SMYD3: variants seen among roughly 807,000 people sequenced by gnomAD.
SMYD3 encodes SET and MYND domain containing 3.
SMYD3 carries 36 observed loss-of-function variants against 57.7 expected under a neutral mutation model. That is an observed-to-expected ratio of 0.62 (90% CI 0.48 to 0.82). SMYD3 has a LOEUF of 0.82. Ranked by LOEUF, SMYD3 falls within the 40% of genes least tolerant of loss-of-function variation. The pLI, the probability that SMYD3 is intolerant of heterozygous loss-of-function variation, is 0.00. For synonymous variants in SMYD3, 211 were observed against 195.0 expected, an observed-to-expected ratio of 1.08 and a Z score of -0.68; for missense variants, 515 against 538.8, an observed-to-expected ratio of 0.96 and a Z score of 0.44.
intron 2 of SMYD3, among the ~76,000 whole-genome samples, chr1:246,354,370 CTT>C (rs904336100): frequency 6.6e-6 from 1 of 152,182 alleles, no homozygotes; most frequent in Non-Finnish European, 1.5e-5. Flanking sequence ...TTGGCATTAT[CTT>C]TAAAAATTCA....
chr1:246,254,018 T>G (rs563390381), intron 5 of SMYD3, among the ~76,000 whole-genome samples: 1 of 152,230 alleles, frequency 6.6e-6, no homozygotes, highest in South Asian at 2.1e-4. Context: ...AAATCTGTTG[T>G]TTTTTACTTC....
At chr1:245,911,123 A>G (rs1953752) in intron 8 of SMYD3, among the ~76,000 whole-genome samples, 132,190 of 152,156 alleles carry the variant, frequency 0.87, 60,314 homozygotes, top group South Asian at 1. Context: ...AAAATGTTCA[A>G]TAACATTAAT....
chr1:246,326,654 C>T (rs1214137768), intron 5 of SMYD3: 3 of 346,530 alleles, frequency 8.7e-6, no homozygotes, highest in Non-Finnish European at 1.0e-5. Context: ...ATCCCAGCTA[C>T]TCAGAATGCT....
intron 5 of SMYD3, among the ~76,000 whole-genome samples, chr1:246,220,271 C>T (rs1186578456): frequency 6.6e-6 from 1 of 151,874 alleles, no homozygotes; most frequent in African/African-American, 2.4e-5. Context: ...AATGGCCGGG[C>T]CTGCACACTC....
chr1:246,188,626 G>A (rs961430221), intron 5 of SMYD3, among the ~76,000 whole-genome samples: 2 of 151,364 alleles, frequency 1.3e-5, no homozygotes, highest in African/African-American at 4.9e-5. Context: ...TAATATCTAT[G>A]TTAAGAACTC....
At position 246,074,361 on chromosome 1, in the gene SMYD3, A is replaced by C. The variant is rs141561681; in HGVS notation, c.532-144424T>G. Among the ~76,000 whole-genome samples, 171 of 146,474 alleles carry C rather than the reference A, an allele frequency of 1.2e-3. 2 individuals are homozygous for C. The highest frequency in any genetic ancestry group is 4.6e-3 in the African/African-American group (167 of 36,562). On this transcript the variant is annotated intron_variant, in intron 5 of 11. Coordinates refer to ENST00000490107, the MANE Select transcript of SMYD3 (RefSeq NM_001167740.2). ...TCCTTTTTTATTGGTTTGCCAAAAAAAATTAAAAAAAAAAAACAAACTGTG... is the reference window on the plus strand; with the variant it reads ...TCCTTTTTTATTGGTTTGCCAAAAACAATTAAAAAAAAAAAACAAACTGTG...
At chr1:245,816,996 G>C (rs554010855) in intron 10 of SMYD3, among the ~76,000 whole-genome samples, 1 of 151,614 alleles carries the variant, frequency 6.6e-6, no homozygotes, top group Non-Finnish European at 1.5e-5. Flanking sequence ...GCCCAGGCTT[G>C]CTTAGGTAAA....
At chr1:246,282,082 A>G (rs1022662841) in intron 5 of SMYD3, among the ~76,000 whole-genome samples, 1 of 152,164 alleles carries the variant, frequency 6.6e-6, no homozygotes, top group Non-Finnish European at 1.5e-5. Flanking sequence ...ATCCAGTTTT[A>G]AAGGTCCAAA....
intron 5 of SMYD3, among the ~76,000 whole-genome samples, chr1:246,210,986 C>T (rs911021260): frequency 6.6e-6 from 1 of 152,156 alleles, no homozygotes; most frequent in East Asian, 1.9e-4. Context: ...AAAGCCGTTG[C>T]TTAGCAACAG....
intron 10 of SMYD3, among the ~76,000 whole-genome samples, chr1:245,795,881 C>T (rs1229567542): frequency 1.3e-5 from 2 of 152,160 alleles, no homozygotes; most frequent in African/African-American, 2.4e-5. Context: ...TATTCTCAGC[C>T]TTTTAATTTC....
intron 5 of SMYD3, among the ~76,000 whole-genome samples, chr1:246,000,800 T>C (rs2059025741): frequency 1.3e-5 from 2 of 152,214 alleles, no homozygotes; most frequent in African/African-American, 4.8e-5. Flanking sequence ...TGTAAGATGC[T>C]GGAAGACAGA....
chr1:246,064,214 C>T (rs1418714284), intron 5 of SMYD3, among the ~76,000 whole-genome samples: 1 of 152,170 alleles, frequency 6.6e-6, no homozygotes, highest in Non-Finnish European at 1.5e-5. Flanking sequence ...TCCATCCATT[C>T]TCCACAGGCT....
chr1:246,350,825 A>G (rs887145567), intron 2 of SMYD3, among the ~76,000 whole-genome samples: 1 of 152,144 alleles, frequency 6.6e-6, no homozygotes, highest in Non-Finnish European at 1.5e-5. Flanking sequence ...GAAAAGAAAA[A>G]CTTCCGGCTC....
chr1:245,936,505 G>T (rs183775156), intron 5 of SMYD3, among the ~76,000 whole-genome samples: 42 of 152,240 alleles, frequency 2.8e-4, no homozygotes, highest in African/African-American at 8.2e-4. Context: ...AATCCAGCTG[G>T]TTTCTTAAAG....
intron 8 of SMYD3, among the ~76,000 whole-genome samples, chr1:245,900,687 T>A (rs185202611): frequency 6.6e-6 from 1 of 152,316 alleles, no homozygotes; most frequent in Admixed American, 6.5e-5. Context: ...AGCCCAGATG[T>A]CACCTGTTAC....
At chr1:246,023,000 G>C (rs2059499864) in intron 5 of SMYD3, among the ~76,000 whole-genome samples, 1 of 152,176 alleles carries the variant, frequency 6.6e-6, no homozygotes, top group Admixed American at 6.6e-5. Flanking sequence ...TTGTTAGACT[G>C]TACGATTTTT....
chr1:246,078,460 C>A (rs1389121055), intron 5 of SMYD3, among the ~76,000 whole-genome samples: 1 of 152,202 alleles, frequency 6.6e-6, no homozygotes, highest in Non-Finnish European at 1.5e-5. Context: ...AAATGACCGG[C>A]CTTCTTGTTC....
intron 8 of SMYD3, among the ~76,000 whole-genome samples, chr1:245,865,853 C>T (rs2051804351): frequency 6.6e-6 from 1 of 152,218 alleles, no homozygotes; most frequent in African/African-American, 2.4e-5. Context: ...GACAGTGCTG[C>T]TTTCAGGTGG....
intron 5 of SMYD3, among the ~76,000 whole-genome samples, chr1:246,183,580 C>A (rs2062587572): frequency 6.6e-6 from 1 of 151,692 alleles, no homozygotes; most frequent in Non-Finnish European, 1.5e-5. Flanking sequence ...GGGAGTATGT[C>A]CAGCACCAAA....
Sources: allele counts gnomAD v4.1 joint callset (sites outside exome capture counted in the v4.1 genomes callset), GRCh38; gene constraint gnomAD v4.1.1; transcripts MANE v1.5; gene names NCBI Gene and HGNC (gene_info 2026-07-23, HGNC 2026-07-21).